The following KIF18B variants were observed in gnomAD, a reference collection of about 807,000 sequenced individuals.
KIF18B encodes kinesin family member 18B.
KIF18B carries 49 observed loss-of-function variants against 80.9 expected under a neutral mutation model. The observed-to-expected ratio is 0.61, with a 90% CI of 0.48 to 0.77. The LOEUF (loss-of-function observed/expected upper bound fraction) is 0.77, where lower values mean the gene tolerates loss of function less well. KIF18B is among the 30% of genes least tolerant of loss of function. The pLI is 0.00. For synonymous variants in KIF18B, 439 were observed against 463.9 expected, an observed-to-expected ratio of 0.95 and a Z score of 0.69; for missense variants, 994 against 1,127.7, an observed-to-expected ratio of 0.88 and a Z score of 1.70.
At position 44,926,092 on chromosome 17, in the gene KIF18B, G is replaced by C; in HGVS notation, c.2547C>G (p.Thr849=). The C allele has an allele frequency of 6.2e-7, 1 of 1,613,914 alleles. No individual in the cohort carries two copies. Among genetic ancestry groups the C allele is most frequent in the African/African-American group, 1.3e-5 (1 of 74,998 alleles). Residue 849 remains threonine, a synonymous_variant, in exon 16 of 16, where the codon ACC becomes ACG. Transcript: ENST00000593135. The part of the protein sequence containing the change: ...GRALSAGNGV[T]KVS ...GACATTCTGGCGGTCAGGACACCTT[G>C]GTGACGCCGTTCCCTGCTGAGAGTG...
intron 1 of KIF18B, among the ~76,000 whole-genome samples, chr17:44,940,668 G>A (rs575843495): frequency 6.6e-6 from 1 of 152,318 alleles, no homozygotes; most frequent in South Asian, 2.1e-4. Flanking sequence ...CTGTTCCTGG[G>A]CGTTATGAAT....
At chr17:44,935,036 A>T in intron 3 of KIF18B, 101 bp from the exon 4 acceptor site, 1 of 951,144 alleles carries the variant, frequency 1.1e-6, no homozygotes, top group Non-Finnish European at 1.6e-6. Flanking sequence ...TGTATCTGAG[A>T]CACCCACAGA....
intron 1 of KIF18B, among the ~76,000 whole-genome samples, chr17:44,945,006 C>T (rs571545301): frequency 1.3e-5 from 2 of 152,326 alleles, no homozygotes; most frequent in East Asian, 3.9e-4. Flanking sequence ...TAAGATACAG[C>T]ATTTGACTAA....
At chr17:44,942,882 C>T (rs755313403) in intron 1 of KIF18B, among the ~76,000 whole-genome samples, 1 of 152,306 alleles carries the variant, frequency 6.6e-6, no homozygotes, top group East Asian at 1.9e-4. Context: ...ACAAAAGGAA[C>T]AGGAGGCACA....
chr17:44,929,787 T>C (rs1402455921), intron 11 of KIF18B, among the ~76,000 whole-genome samples: 3 of 152,190 alleles, frequency 2.0e-5, no homozygotes, highest in African/African-American at 7.2e-5. Flanking sequence ...GTCTATGCTT[T>C]CTATTTAATG....
chr17:44,936,148 T>C lies in KIF18B; in HGVS notation c.197A>G (p.Lys66Arg). The change falls in exon 2 of 16, where the codon AAA becomes AGA. Residue 66 changes from lysine to arginine, a missense_variant. Lys to Arg is a conservative substitution (Grantham distance 26). Coordinates refer to ENST00000593135, the MANE Select transcript of KIF18B (RefSeq NM_001265577.2). ...CCGGTCAAAGACAAACGTCAGGTCT[T>C]TGCCCTTCTTCTTGGGGCCATCATG... ...GTHDGPKKKG[K>R]DLTFVFDRVF... 3 of 1,613,726 alleles carry C rather than the reference T, an allele frequency of 1.9e-6. No individual in the cohort carries two copies. The highest frequency in any genetic ancestry group is 2.5e-6 in the Non-Finnish European group (3 of 1,179,834).
intron 1 of KIF18B, 36 bp downstream of exon 1, chr17:44,947,592 T>C (rs1340376222): frequency 1.3e-5 from 2 of 152,242 alleles, no homozygotes; most frequent in Non-Finnish European, 2.9e-5. Context: ...AGAGCAGGCG[T>C]TCGCGCGGTC....
chr17:44,930,882 T>C (rs1370352855), intron 11 of KIF18B, among the ~76,000 whole-genome samples: 2 of 152,142 alleles, frequency 1.3e-5, no homozygotes, highest in Non-Finnish European at 2.9e-5. Flanking sequence ...CTGCCGATTA[T>C]TCAGACTGCA....
rs1253866808 is a variant in KIF18B, at chr17:44,936,230, C to A, written c.115G>T (p.Val39Leu). 1.9e-6 allele frequency: 3 copies of A among 1,610,424 alleles called. No individual in the cohort carries two copies. In the South Asian group the frequency reaches 3.3e-5, roughly 18 times the overall value. The change falls in exon 2 of 16, where the codon GTG (valine) becomes TTG (leucine). Residue 39 changes from valine to leucine, a missense_variant. Coordinates refer to ENST00000593135, the MANE Select transcript of KIF18B (RefSeq NM_001265577.2). ...VVQVVDERVL[V>L]FNPEEPDGGF... Reference sequence around the variant, plus strand: ...CCATCGGGCTCCTCAGGGTTAAACACCAGCACCCGCTCGTCCACCACCTGA... The same window carrying A: ...CCATCGGGCTCCTCAGGGTTAAACAACAGCACCCGCTCGTCCACCACCTGA...
rs543817827 is a variant in KIF18B, at chr17:44,927,627, T to C, written c.2276+399A>G. Among the ~76,000 whole-genome samples the C allele has an allele frequency of 3.3e-5, 5 of 152,360 alleles. No individual in the cohort carries two copies. The highest frequency in any genetic ancestry group is 1.2e-4 in the African/African-American group (5 of 41,580). On this transcript the variant is annotated intron_variant, in intron 13 of 15. Transcript: ENST00000593135. This position sits in a 1 kb window ranked among gnomAD's most constrained non-coding sequence, Gnocchi z 4.1. The stretch of plus-strand genomic sequence containing the variant: ...CGGAGGCCAAAATCTGGAGTAGAAG[T>C]GGCAGAAAGAGGTATTTCCCAGTGG...
intron 9 of KIF18B, 28 bp downstream of exon 9, chr17:44,932,644 TG>T (rs2052181752): frequency 1.7e-6 from 2 of 1,202,072 alleles, no homozygotes. Flanking sequence ...AGCTGCAGGG[TG>T]GGGGCGGGAA....
chr17:44,947,561 G>C (rs1396882646), intron 1 of KIF18B, 67 bp downstream of exon 1: 1 of 152,294 alleles, frequency 6.6e-6, no homozygotes, highest in Non-Finnish European at 1.5e-5. Flanking sequence ...GGAGCAGCTG[G>C]GTCTGCGCGT....
intron 1 of KIF18B, among the ~76,000 whole-genome samples, chr17:44,945,478 T>C (rs976493589): frequency 6.6e-6 from 1 of 152,250 alleles, no homozygotes; most frequent in African/African-American, 2.4e-5. Flanking sequence ...CATTTAAGAC[T>C]ATAAGTTGCC....
Position 44,934,039 on chromosome 17 carries a change from GGGAGTCTTTGA to G in KIF18B, c.935_945del (p.Leu312ProfsTer64). The G allele has an allele frequency of 6.2e-7, 1 of 1,612,632 alleles. No individual in the cohort carries two copies. The highest frequency in any genetic ancestry group is 8.5e-7 in the Non-Finnish European group (1 of 1,179,472). ...ATCACTGTGCGGCAGTTGCCCCCGA[GGGAGTCTTTGA>G]GCAGGCGGGTCAGTTTGCTGTCCCG... On this transcript the variant is annotated frameshift_variant, in exon 7 of 16. Transcript: ENST00000593135. LOFTEE classifies it high-confidence loss of function. The surrounding 1 kb of genome is among the most constrained non-coding windows in gnomAD (Gnocchi z 5.4).
At chr17:44,939,253 C>T (rs775799875) in intron 1 of KIF18B, among the ~76,000 whole-genome samples, 19 of 149,304 alleles carry the variant, frequency 1.3e-4, no homozygotes, top group Non-Finnish European at 2.1e-4. Flanking sequence ...CGCCTGTAAT[C>T]GCAGCTACTC....
intron 7 of KIF18B, among the ~76,000 whole-genome samples, chr17:44,933,483 GACAGAGGAAC>G (rs1392184522): frequency 6.6e-6 from 1 of 151,786 alleles, no homozygotes; most frequent in East Asian, 1.9e-4. Flanking sequence ...ACTCTCTGAA[GACAGAGGAAC>G]TTCTTTTTTT....
chr17:44,941,117 C>G (rs993197752), intron 1 of KIF18B, among the ~76,000 whole-genome samples: 1 of 152,032 alleles, frequency 6.6e-6, no homozygotes, highest in Non-Finnish European at 1.5e-5. Flanking sequence ...AGCAATTTGC[C>G]CAAGGTCTCA....
intron 1 of KIF18B, 71 bp downstream of exon 1, chr17:44,947,557 G>C (rs2052536078): frequency 6.6e-6 from 1 of 152,336 alleles, no homozygotes; most frequent in Non-Finnish European, 1.5e-5. Flanking sequence ...GCCCGGAGCA[G>C]CTGGGTCTGC....
intron 1 of KIF18B, among the ~76,000 whole-genome samples, chr17:44,941,714 C>G (rs934213619): frequency 5.3e-5 from 8 of 152,174 alleles, no homozygotes; most frequent in African/African-American, 1.9e-4. Flanking sequence ...CACTTTGGCA[C>G]CCGGGGAAGG....
Sources: gnomAD v4.1 joint callset for allele counts (sites outside exome capture counted in the v4.1 genomes callset) on GRCh38, gnomAD v4.1.1 for gene constraint, Gnocchi (gnomAD v3.1) non-coding constraint, MANE v1.5 for transcripts, NCBI Gene and HGNC (gene_info 2026-07-23, HGNC 2026-07-21) for gene names.